Variants in NRXN1 observed in about 807,000 individuals in gnomAD.
NRXN1 encodes the protein neurexin-1.
A neutral mutation model predicts 150.9 loss-of-function variants in NRXN1; 39 were observed. The observed-to-expected ratio is 0.26, with a 90% confidence interval of 0.20 to 0.34. The LOEUF (loss-of-function observed/expected upper bound fraction) is 0.34, where lower values mean the gene tolerates loss of function less well. Among genes scored for constraint, NRXN1 ranks in the 10% least tolerant of loss-of-function variants. NRXN1 has a pLI of 1.00. For missense variants in NRXN1, 1,815 were observed against 1,949.9 expected (o/e 0.93, Z 1.30); for synonymous variants, 924 against 757.0 (o/e 1.22, Z -3.62).
rs1301800956 is a variant in NRXN1, at chr2:49,919,553, C to G, written c.*2391G>C. ...AAGCTTAATAGATAAAATAGAAAAG[C>G]AATCTTAAAAAAAAAAACCCTTCAA... On this transcript the variant is annotated 3_prime_UTR_variant, in exon 23 of 23. Coordinates refer to ENST00000401669, the MANE Select transcript of NRXN1 (RefSeq NM_001330078.2). The G allele has an allele frequency of 1.3e-5, 2 of 150,240 alleles. No individual in the cohort carries two copies. The highest frequency in any genetic ancestry group is 2.4e-5 in the African/African-American group (1 of 40,854). 9.3% of individuals were successfully genotyped at this position (150,240 alleles called of 1,614,324 possible).
At chr2:50,138,975 G>T (rs1706833430) in intron 18 of NRXN1, among the ~76,000 whole-genome samples, 1 of 152,178 alleles carries the variant, frequency 6.6e-6, no homozygotes, top group Admixed American at 6.5e-5. Flanking sequence ...CAGATAAAAG[G>T]TAAAGGTTTA....
At chr2:50,182,545 T>C (rs1430435725) in intron 18 of NRXN1, among the ~76,000 whole-genome samples, 1 of 152,092 alleles carries the variant, frequency 6.6e-6, no homozygotes, top group Non-Finnish European at 1.5e-5. Context: ...GAGGCATGAA[T>C]TCAAATTTGT....
intron 13 of NRXN1, among the ~76,000 whole-genome samples, chr2:50,500,952 G>A (rs2091909896): frequency 6.6e-6 from 1 of 152,114 alleles, no homozygotes; most frequent in South Asian, 2.1e-4. Context: ...GGCAGAAAGG[G>A]CCCATTTTCT....
intron 18 of NRXN1, among the ~76,000 whole-genome samples, chr2:50,206,993 A>G (rs1231639659): frequency 6.6e-6 from 1 of 151,950 alleles, no homozygotes; most frequent in Non-Finnish European, 1.5e-5. Context: ...AAATTAATAT[A>G]CTAAGTGTAC....
intron 5 of NRXN1, among the ~76,000 whole-genome samples, chr2:50,867,250 G>A (rs114506761): frequency 6.6e-6 from 1 of 151,872 alleles, no homozygotes; most frequent in East Asian, 1.9e-4. Context: ...CAAAAACACT[G>A]AGTCCTAGAT....
intron 19 of NRXN1, among the ~76,000 whole-genome samples, chr2:50,083,946 C>T (rs137945173): frequency 0.02 from 3,080 of 152,064 alleles, 85 homozygotes; most frequent in African/African-American, 0.071. Context: ...CAGATTGGTG[C>T]ATTTACAAAC....
At chr2:50,446,661 T>C (rs1573002062) in intron 17 of NRXN1, among the ~76,000 whole-genome samples, 1 of 151,376 alleles carries the variant, frequency 6.6e-6, no homozygotes, top group South Asian at 2.1e-4. Context: ...ATACTTAACA[T>C]AATCCTAAAC....
At chr2:49,974,488 G>A (rs1448799986) in intron 21 of NRXN1, among the ~76,000 whole-genome samples, 4 of 152,232 alleles carry the variant, frequency 2.6e-5, no homozygotes, top group African/African-American at 9.6e-5. Context: ...ACACAGAGGG[G>A]AAACTTTTTT....
intron 8 of NRXN1, among the ~76,000 whole-genome samples, chr2:50,606,371 T>C (rs898242458): frequency 2.0e-5 from 3 of 151,776 alleles, no homozygotes; most frequent in Non-Finnish European, 2.9e-5. Context: ...ATGATTCCAC[T>C]TACAAGAAAT....
At chr2:50,322,625 G>T (rs998883162) in intron 17 of NRXN1, among the ~76,000 whole-genome samples, 1 of 152,032 alleles carries the variant, frequency 6.6e-6, no homozygotes, top group Non-Finnish European at 1.5e-5. Flanking sequence ...ATTTAAATAC[G>T]CATTCATTCC....
At chr2:50,179,557 C>G (rs193057898) in intron 18 of NRXN1, among the ~76,000 whole-genome samples, 1 of 152,186 alleles carries the variant, frequency 6.6e-6, no homozygotes, top group East Asian at 1.9e-4. Flanking sequence ...GATATTGATT[C>G]TATGGTAACA....
intron 17 of NRXN1, among the ~76,000 whole-genome samples, chr2:50,399,654 G>A (rs757600579): frequency 2.6e-5 from 4 of 151,680 alleles, no homozygotes; most frequent in East Asian, 3.9e-4. Flanking sequence ...AAGCAGGTTC[G>A]TGTGGCTCTC....
At chr2:50,878,878 G>A (rs536711209) in intron 5 of NRXN1, among the ~76,000 whole-genome samples, 22 of 152,010 alleles carry the variant, frequency 1.4e-4, no homozygotes, top group Admixed American at 5.2e-4. Context: ...GTACAAACAA[G>A]CACTTTAACA....
At chr2:50,545,575 T>C (rs1400420048) in intron 9 of NRXN1, among the ~76,000 whole-genome samples, 1 of 152,138 alleles carries the variant, frequency 6.6e-6, no homozygotes, top group Non-Finnish European at 1.5e-5. Flanking sequence ...ACTAACTCCA[T>C]AACAGCAATG....
intron 5 of NRXN1, among the ~76,000 whole-genome samples, chr2:50,720,556 C>T (rs756854316): frequency 2.0e-5 from 3 of 152,182 alleles, no homozygotes; most frequent in Non-Finnish European, 4.4e-5. Context: ...TTCCTATCTA[C>T]ATCAAAGGGC....
chr2:49,969,713 G>C (rs1677613917), intron 21 of NRXN1: 1 of 151,952 alleles, frequency 6.6e-6, no homozygotes, highest in African/African-American at 2.4e-5. Flanking sequence ...TAGCTTCTGA[G>C]ATCAGATGAG....
intron 17 of NRXN1, among the ~76,000 whole-genome samples, chr2:50,450,864 G>C (rs748389494): frequency 2.0e-5 from 3 of 152,180 alleles, no homozygotes; most frequent in Admixed American, 6.5e-5. Flanking sequence ...TTATAGGCAG[G>C]AGAGATAACC....
chr2:50,962,098 G>T (rs921648872), intron 2 of NRXN1, among the ~76,000 whole-genome samples: 1 of 85,466 alleles, frequency 1.2e-5, no homozygotes, highest in Non-Finnish European at 3.1e-5. Context: ...GACTGCTGCT[G>T]ACTATTTTCC....
chr2:50,576,280 C>A (rs1671421418), intron 8 of NRXN1, among the ~76,000 whole-genome samples: 1 of 152,046 alleles, frequency 6.6e-6, no homozygotes, highest in African/African-American at 2.4e-5. Context: ...ATTTTGTATA[C>A]TGCAGTTTTT....
Sources: gnomAD v4.1 joint callset for allele counts (sites outside exome capture counted in the v4.1 genomes callset) on GRCh38, gnomAD v4.1.1 for gene constraint, MANE v1.5 for transcripts, NCBI Gene and HGNC (gene_info 2026-07-23, HGNC 2026-07-21) for gene names.